The following STAT3 variants were observed in gnomAD, a reference collection of about 807,000 sequenced individuals.
The protein encoded by STAT3 is DNA-binding protein APRF.
Under a neutral mutation model 114.3 loss-of-function variants are expected in STAT3, and 7 were observed. The ratio of observed to expected loss-of-function variants is 0.06; its 90% confidence interval spans 0.03 to 0.11. The LOEUF (loss-of-function observed/expected upper bound fraction) is 0.11, where lower values mean the gene tolerates loss of function less well. STAT3 is among the 10% of genes least tolerant of loss of function. The pLI is 1.00. For missense variants in STAT3, 364 were observed against 960.9 expected, an observed-to-expected ratio of 0.38 and a Z score of 8.21; for synonymous variants, 331 against 354.5, an observed-to-expected ratio of 0.93 and a Z score of 0.74.
chr17:42,370,032 C>G (rs543077985), intron 1 of STAT3, among the ~76,000 whole-genome samples: 6 of 151,916 alleles, frequency 3.9e-5, no homozygotes, highest in Non-Finnish European at 8.8e-5. Context: ...AGTGCGGTGG[C>G]GAGATCTCGG....
intron 1 of STAT3, among the ~76,000 whole-genome samples, chr17:42,380,395 G>GT (rs200389606): frequency 2.0e-5 from 3 of 149,606 alleles, no homozygotes; most frequent in Non-Finnish European, 4.5e-5. Context: ...TTGTTTTTCG[G>GT]TTTTTTTGAG....
At chr17:42,341,262 C>T (rs2082433823) in intron 4 of STAT3, among the ~76,000 whole-genome samples, 1 of 152,206 alleles carries the variant, frequency 6.6e-6, no homozygotes, top group Non-Finnish European at 1.5e-5. Context: ...ACATCTCAGG[C>T]CAACACAGAA....
At chr17:42,316,128 T>C (rs531916159) in intron 23 of STAT3, 13 of 1,281,040 alleles carry the variant, frequency 1.0e-5, no homozygotes, top group Non-Finnish European at 1.3e-5. Flanking sequence ...GCATTTGAGA[T>C]TTGGTTTGTC....
chr17:42,375,493 G>A (rs1411388174), intron 1 of STAT3, among the ~76,000 whole-genome samples: 2 of 152,126 alleles, frequency 1.3e-5, no homozygotes, highest in South Asian at 2.1e-4. Context: ...CAAACTCTTC[G>A]CTCTCATGGC....
chr17:42,323,214 A>C, intron 19 of STAT3, 46 bp downstream of exon 19: 1 of 1,614,066 alleles, frequency 6.2e-7, no homozygotes, highest in Non-Finnish European at 8.5e-7. Context: ...TGGCTTGCTG[A>C]GAGCAGGGGA....
chr17:42,323,738 C>T (rs934610842), intron 17 of STAT3, 113 bp from the exon 18 acceptor site: 23 of 992,608 alleles, frequency 2.3e-5, no homozygotes, highest in Non-Finnish European at 3.4e-5. Context: ...AAATAATCAG[C>T]TTTCACATCT....
At chr17:42,377,697 A>T (rs554426267) in intron 1 of STAT3, among the ~76,000 whole-genome samples, 68 of 152,350 alleles carry the variant, frequency 4.5e-4, no homozygotes, top group African/African-American at 1.6e-3. Flanking sequence ...GTATTACAAT[A>T]AAGAAAACTG....
rs542266139 is a variant in STAT3 at position 42,328,479 on chromosome 17, C to T, written c.1281+931G>A. ...CTAGAGTGCAGTGGCAAAATCTTGGCTCACTGCAAGCTCCACCTCTCAGGT... is the reference window on the plus strand; with the variant it reads ...CTAGAGTGCAGTGGCAAAATCTTGGTTCACTGCAAGCTCCACCTCTCAGGT... On this transcript the variant is annotated intron_variant, in intron 14 of 23. Coordinates refer to ENST00000264657, the MANE Select transcript of STAT3 (RefSeq NM_139276.3). Among the ~76,000 whole-genome samples, 5 of 152,316 alleles carry T rather than the reference C, an allele frequency of 3.3e-5. No homozygotes were observed. In the South Asian group the frequency reaches 6.2e-4, roughly 19 times the overall value.
At chr17:42,362,516 C>T (rs1358706014) in intron 1 of STAT3, among the ~76,000 whole-genome samples, 2 of 152,220 alleles carry the variant, frequency 1.3e-5, no homozygotes, top group Non-Finnish European at 2.9e-5. Flanking sequence ...CTGATGACTG[C>T]TCTGTTCTTA....
At chr17:42,358,225 G>A (rs142700366) in intron 1 of STAT3, among the ~76,000 whole-genome samples, 1 of 152,202 alleles carries the variant, frequency 6.6e-6, no homozygotes, top group Non-Finnish European at 1.5e-5. Context: ...AGACCAGCCT[G>A]GGCAACACCG....
intron 1 of STAT3, among the ~76,000 whole-genome samples, chr17:42,350,652 C>A (rs1205969266): frequency 6.6e-6 from 1 of 152,172 alleles, no homozygotes; most frequent in Non-Finnish European, 1.5e-5. Context: ...GGGGGACAGA[C>A]TCAGAATACC....
chr17:42,353,388 G>T (rs928353906), intron 1 of STAT3, among the ~76,000 whole-genome samples: 4 of 148,228 alleles, frequency 2.7e-5, no homozygotes, highest in African/African-American at 9.9e-5. Context: ...GAAGAGAAAA[G>T]AAAAGAAAAG....
At chr17:42,346,862 A>C in intron 2 of STAT3, 149 bp from the exon 3 acceptor site, 1 of 1,136,254 alleles carries the variant, frequency 8.8e-7, no homozygotes, top group Non-Finnish European at 1.3e-6. Flanking sequence ...CTTCTTGCTC[A>C]GCAATAAAAT....
At chr17:42,330,405 C>T (rs1196298465) in intron 11 of STAT3, among the ~76,000 whole-genome samples, 1 of 150,684 alleles carries the variant, frequency 6.6e-6, no homozygotes, top group African/African-American at 2.4e-5. Flanking sequence ...CGTGAGCCAC[C>T]GCGCCCAGCC....
At chr17:42,346,456 C>A in intron 3 of STAT3, 113 bp downstream of exon 3, 1 of 1,485,576 alleles carries the variant, frequency 6.7e-7, no homozygotes, top group Non-Finnish European at 9.3e-7. Context: ...ATTGAAAATA[C>A]AAGATAGATT....
chr17:42,360,972 C>G (rs17593222), intron 1 of STAT3, among the ~76,000 whole-genome samples: 9,262 of 152,118 alleles, frequency 0.061, 347 homozygotes, highest in Non-Finnish European at 0.074. Flanking sequence ...AGAAGAGTGG[C>G]CCCTCAAATA....
At position 42,324,659 on chromosome 17, in the gene STAT3, G is replaced by A. The variant is rs986671950; in HGVS notation, c.1600+52C>T. On this transcript the variant is annotated intron_variant, in intron 17 of 23. Coordinates refer to ENST00000264657, the MANE Select transcript of STAT3 (RefSeq NM_139276.3). This position sits in a 1 kb window ranked among gnomAD's most constrained non-coding sequence, Gnocchi z 4.5. ...GCCCAAATGAACAGCCCTATGGGCCGGATCCCTTTTCTGGGCGGGTGGGCG... is the reference window on the plus strand; with the variant it reads ...GCCCAAATGAACAGCCCTATGGGCCAGATCCCTTTTCTGGGCGGGTGGGCG... 65 of 1,504,220 alleles carry A rather than the reference G, an allele frequency of 4.3e-5. No homozygotes were observed. In the East Asian group the frequency reaches 4.8e-4, roughly 11 times the overall value. 93.2% of individuals were successfully genotyped at this position (1,504,220 alleles called of 1,614,324 possible). A position where few individuals can be genotyped will look rare whatever the true frequency, so the allele number is the denominator to read the frequency against.
chr17:42,361,923 TGTAA>T (rs2083532529), intron 1 of STAT3, among the ~76,000 whole-genome samples: 1 of 152,198 alleles, frequency 6.6e-6, no homozygotes, highest in African/African-American at 2.4e-5. Flanking sequence ...GTAGCAGCAT[TGTAA>T]GTGTTTTGAG....
At chr17:42,356,986 C>T (rs2083260226) in intron 1 of STAT3, among the ~76,000 whole-genome samples, 1 of 151,998 alleles carries the variant, frequency 6.6e-6, no homozygotes, top group Non-Finnish European at 1.5e-5. Flanking sequence ...CGGCGCTTCA[C>T]CATGTTGGCC....
Sources: gnomAD v4.1 joint callset for allele counts (sites outside exome capture counted in the v4.1 genomes callset) on GRCh38, gnomAD v4.1.1 for gene constraint, Gnocchi (gnomAD v3.1) non-coding constraint, MANE v1.5 for transcripts, NCBI Gene and HGNC (gene_info 2026-07-23, HGNC 2026-07-21) for gene names.